Variants in CEP128 observed in about 807,000 individuals in gnomAD.
CEP128 encodes centrosomal protein 128.
A neutral mutation model predicts 156.7 loss-of-function variants in CEP128; 132 were observed. The observed-to-expected ratio is 0.84, with a 90% CI of 0.73 to 0.97. The LOEUF is 0.97. CEP128 is among the 50% of genes least tolerant of loss of function. The pLI, the probability that CEP128 is intolerant of heterozygous loss-of-function variation, is 0.00. For synonymous variants in CEP128, 469 were observed against 448.9 expected (o/e 1.04, Z -0.57); for missense variants, 1,252 against 1,281.9 (o/e 0.98, Z 0.36).
At chr14:80,667,464 A>G (rs1753331201) in intron 19 of CEP128, among the ~76,000 whole-genome samples, 1 of 152,250 alleles carries the variant, frequency 6.6e-6, no homozygotes, top group Admixed American at 6.5e-5. Flanking sequence ...TGAAAACCCA[A>G]TAGCAATAAC....
chr14:80,633,741 C>T (rs1408747388), intron 19 of CEP128, among the ~76,000 whole-genome samples: 4 of 152,168 alleles, frequency 2.6e-5, no homozygotes, highest in South Asian at 4.1e-4. Flanking sequence ...CTTTGCATAG[C>T]TCATTGTCTG....
downstream of CEP128, among the ~76,000 whole-genome samples, chr14:80,495,711 T>C (rs560745529): frequency 6.6e-5 from 10 of 152,194 alleles, 1 homozygote; most frequent in South Asian, 2.1e-3. Context: ...ATGGTTTAGA[T>C]CAGTTCTTAT....
At chr14:80,785,740 C>T (rs1461741960) in intron 14 of CEP128, among the ~76,000 whole-genome samples, 195 bp from the exon 15 acceptor site, 4 of 151,902 alleles carry the variant, frequency 2.6e-5, no homozygotes, top group Admixed American at 2.6e-4. Flanking sequence ...TATAATTGTC[C>T]TGAAATAGCA....
chr14:80,786,750 A>G (rs188338036), intron 14 of CEP128, among the ~76,000 whole-genome samples: 113 of 152,298 alleles, frequency 7.4e-4, no homozygotes, highest in Non-Finnish European at 1.4e-3. Context: ...AAAAAGTTGG[A>G]GTAGAATTTA....
intron 7 of CEP128, among the ~76,000 whole-genome samples, chr14:80,897,962 T>C (rs1295361368): frequency 6.6e-6 from 1 of 152,148 alleles, no homozygotes; most frequent in African/African-American, 2.4e-5. Context: ...GTATTTTTAG[T>C]AGAGATGGGG....
rs754116403 is a variant in CEP128 at position 80,677,462 on chromosome 14, T to C, written c.2806+65613A>G. Among the ~76,000 whole-genome samples, 65 of 128,656 alleles carry C rather than the reference T, an allele frequency of 5.1e-4. 2 individuals carry two copies. Among genetic ancestry groups the C allele is most frequent in the Middle Eastern group, 5.6e-3 (1 of 178 alleles). The allele number at this position is 128,656 out of a possible 152,430, so 84.4% of individuals were successfully genotyped here. ...AGGTGGAGGTGGCAGTGAGCCCAGA[T>C]GGCGCCACTGCACTCCAGCCTGGGC... On this transcript the variant is annotated intron_variant, in intron 19 of 24. Transcript: ENST00000555265.
intron 22 of CEP128, among the ~76,000 whole-genome samples, chr14:80,527,611 T>A (rs1321933031): frequency 6.6e-6 from 1 of 152,198 alleles, no homozygotes; most frequent in Non-Finnish European, 1.5e-5. Context: ...TCCAAAGATG[T>A]CATTAATGAC....
intron 2 of CEP128, among the ~76,000 whole-genome samples, chr14:80,951,040 A>G (rs1343675134): frequency 6.6e-6 from 1 of 152,188 alleles, no homozygotes; most frequent in Non-Finnish European, 1.5e-5. Context: ...AATAATGTCA[A>G]TCTATGATTC....
rs753136868 is a variant in CEP128 at position 80,777,894 on chromosome 14, T to C, written c.2364A>G (p.Gln788=). 3.4e-5 allele frequency: 55 copies of C among 1,604,656 alleles called. No homozygotes were observed. Among genetic ancestry groups the C allele is most frequent in the Non-Finnish European group, 4.5e-5 (53 of 1,173,408 alleles). Residue 788 remains glutamine, a synonymous_variant, in exon 16 of 25, where the codon CAA becomes CAG. Coordinates refer to ENST00000555265, the MANE Select transcript of CEP128 (RefSeq NM_152446.5). ...CTCATATTTTTACCCTTTCTTCTAG[T>C]TGATCCTTCAAACATTGATATTTTA... is the stretch of plus-strand genomic sequence containing the variant. ...LKLKYQCLKD[Q]LEEREKHISI...
intron 19 of CEP128, among the ~76,000 whole-genome samples, chr14:80,684,418 G>A (rs1370045968): frequency 1.3e-5 from 2 of 152,106 alleles, no homozygotes; most frequent in African/African-American, 4.8e-5. Flanking sequence ...ACCCTGAACA[G>A]AACCATATCG....
intron 15 of CEP128, among the ~76,000 whole-genome samples, chr14:80,779,077 T>C (rs1305704700): frequency 2.0e-5 from 3 of 152,198 alleles, no homozygotes; most frequent in Non-Finnish European, 4.4e-5. Context: ...AGGTACAATA[T>C]CATTAGGTTT....
chr14:80,926,725 G>A (rs1369394965), intron 2 of CEP128, among the ~76,000 whole-genome samples: 11 of 152,110 alleles, frequency 7.2e-5, no homozygotes, highest in Non-Finnish European at 1.5e-4. Flanking sequence ...ACCACCTCCA[G>A]GCTGGAAGCA....
intron 2 of CEP128, among the ~76,000 whole-genome samples, chr14:80,927,956 G>A (rs1053583086): frequency 5.9e-5 from 9 of 152,034 alleles, no homozygotes; most frequent in Admixed American, 2.0e-4. Context: ...CCAGCACATC[G>A]CTACTACAAC....
chr14:80,837,590 G>T (rs1355514630), intron 11 of CEP128, among the ~76,000 whole-genome samples: 1 of 152,166 alleles, frequency 6.6e-6, no homozygotes, highest in Non-Finnish European at 1.5e-5. Context: ...GGTGGCGCAT[G>T]CCTGTAATCC....
intron 13 of CEP128, chr14:80,822,883 T>C (rs1885265331): frequency 1.6e-6 from 1 of 622,878 alleles, no homozygotes; most frequent in Admixed American, 2.2e-5. Context: ...TAAAACTGCA[T>C]AATTTTACTT....
At chr14:80,551,125 C>A (rs899232177) in intron 21 of CEP128, among the ~76,000 whole-genome samples, 7 of 152,124 alleles carry the variant, frequency 4.6e-5, no homozygotes, top group African/African-American at 1.7e-4. Context: ...TTTTAATAAT[C>A]TATCAGCCCT....
At chr14:80,536,470 T>C (rs1420959328) in intron 21 of CEP128, among the ~76,000 whole-genome samples, 4 of 152,202 alleles carry the variant, frequency 2.6e-5, no homozygotes, top group Non-Finnish European at 4.4e-5. Context: ...TAAATAAGGC[T>C]ATGAAGCAGT....
intron 19 of CEP128, among the ~76,000 whole-genome samples, chr14:80,597,948 T>TAAAAAAAAA (rs202140927): frequency 1.1e-4 from 3 of 26,648 alleles, no homozygotes; most frequent in Non-Finnish European, 2.1e-4. Context: ...ATTCCTCAGC[T>TAAAAAAAAA]ACAAAAAAAA....
intron 20 of CEP128, among the ~76,000 whole-genome samples, chr14:80,572,710 A>C (rs1422605640): frequency 6.6e-6 from 1 of 152,204 alleles, no homozygotes; most frequent in Non-Finnish European, 1.5e-5. Flanking sequence ...AACAAAAAAA[A>C]ACACAAGAAA....
Sources: gnomAD v4.1 joint callset for allele counts (sites outside exome capture counted in the v4.1 genomes callset) on GRCh38, gnomAD v4.1.1 for gene constraint, MANE v1.5 for transcripts, NCBI Gene and HGNC (gene_info 2026-07-23, HGNC 2026-07-21) for gene names.